UVRAG: variants seen among roughly 807,000 people sequenced by gnomAD.
The protein encoded by UVRAG is UV radiation resistance-associated gene protein.
In UVRAG, 19 loss-of-function variants were observed where a neutral mutation model predicts 78.0. The ratio of observed to expected loss-of-function variants is 0.24; its 90% CI spans 0.17 to 0.36. The LOEUF (loss-of-function observed/expected upper bound fraction) is 0.36, where lower values mean the gene tolerates loss of function less well. Among genes scored for constraint, UVRAG ranks in the 10% least tolerant of loss-of-function variants. The pLI is 1.00. For missense variants in UVRAG, 740 were observed against 853.8 expected (o/e 0.87, Z 1.66); for synonymous variants, 323 against 324.6 (o/e 1.00, Z 0.05).
chr11:76,118,000 T>C (rs754439119), intron 14 of UVRAG, among the ~76,000 whole-genome samples: 1 of 152,252 alleles, frequency 6.6e-6, no homozygotes, highest in Non-Finnish European at 1.5e-5. Flanking sequence ...TCAAAACTCT[T>C]GGCTTTTCTT....
At chr11:76,012,706 G>A (rs910444184) in intron 11 of UVRAG, among the ~76,000 whole-genome samples, 2 of 151,806 alleles carry the variant, frequency 1.3e-5, no homozygotes, top group African/African-American at 4.8e-5. Flanking sequence ...AGTATGCCAA[G>A]GAGACCTGGA....
At chr11:76,029,102 A>G (rs570396535) in intron 12 of UVRAG, among the ~76,000 whole-genome samples, 1 of 152,298 alleles carries the variant, frequency 6.6e-6, no homozygotes, top group Admixed American at 6.5e-5. Flanking sequence ...GAATGATGCT[A>G]ACTATACTCT....
At chr11:76,090,064 A>C (rs1442056815) in intron 13 of UVRAG, among the ~76,000 whole-genome samples, 1 of 152,118 alleles carries the variant, frequency 6.6e-6, no homozygotes, top group Non-Finnish European at 1.5e-5. Flanking sequence ...GCCCTTTAGA[A>C]AGACTTCCTG....
At chr11:75,841,747 A>G (rs908349240) in intron 1 of UVRAG, among the ~76,000 whole-genome samples, 4 of 152,200 alleles carry the variant, frequency 2.6e-5, no homozygotes, top group Non-Finnish European at 5.9e-5. Context: ...GACCAGTTTT[A>G]TGTTTTCCCC....
At chr11:75,972,192 T>A (rs1949136493) in intron 7 of UVRAG, among the ~76,000 whole-genome samples, 2 of 152,128 alleles carry the variant, frequency 1.3e-5, no homozygotes, top group South Asian at 4.1e-4. Context: ...TTGTCTTTAC[T>A]CTTAACACAG....
rs550652548 is a variant in UVRAG at position 75,993,882 on chromosome 11, C to T, written c.827-10123C>T. 2.0e-5 allele frequency among the ~76,000 whole-genome samples: 3 copies of T among 152,030 alleles called. No individual in the cohort carries two copies. In the East Asian group the frequency reaches 5.8e-4, roughly 29 times the overall value. ...TGGTGGAAGGTGAAGCCAGTACAGG[C>T]GTATCACATGGTGAAAGTGGAAGTG... On this transcript the variant is annotated intron_variant, in intron 8 of 14. Transcript: ENST00000356136.
chr11:76,000,213 C>T (rs893270018), intron 8 of UVRAG, among the ~76,000 whole-genome samples: 1 of 152,136 alleles, frequency 6.6e-6, no homozygotes, highest in East Asian at 1.9e-4. Context: ...TCTGAATATT[C>T]TAGTTACAAA....
intron 6 of UVRAG, among the ~76,000 whole-genome samples, chr11:75,938,437 C>G (rs1201728092): frequency 6.6e-6 from 1 of 151,994 alleles, no homozygotes; most frequent in African/African-American, 2.4e-5. Flanking sequence ...TCAATTTTAC[C>G]TTATTGTTTG....
At chr11:76,044,469 C>T (rs529334957) in intron 12 of UVRAG, among the ~76,000 whole-genome samples, 4 of 152,246 alleles carry the variant, frequency 2.6e-5, no homozygotes, top group African/African-American at 7.2e-5. Flanking sequence ...TAACAGTATA[C>T]GGATTAAAAT....
chr11:75,892,740 T>G (rs1382403075), intron 5 of UVRAG, among the ~76,000 whole-genome samples: 1 of 152,168 alleles, frequency 6.6e-6, no homozygotes, highest in Non-Finnish European at 1.5e-5. Context: ...ACACCTGACA[T>G]GTAGACTGAA....
intron 6 of UVRAG, among the ~76,000 whole-genome samples, chr11:75,959,840 A>G (rs367761089): frequency 9.2e-5 from 14 of 152,192 alleles, no homozygotes; most frequent in African/African-American, 3.4e-4. Flanking sequence ...TTGAACACCT[A>G]GAGGTTACTG....
intron 6 of UVRAG, among the ~76,000 whole-genome samples, chr11:75,913,722 A>G (rs979074292): frequency 1.3e-5 from 2 of 152,196 alleles, no homozygotes; most frequent in African/African-American, 4.8e-5. Flanking sequence ...TTTTCTGACA[A>G]TGTTTTTGTA....
At chr11:76,089,694 A>G (rs1951659714) in intron 13 of UVRAG, among the ~76,000 whole-genome samples, 2 of 152,180 alleles carry the variant, frequency 1.3e-5, no homozygotes, top group African/African-American at 2.4e-5. Context: ...CCCAGAGGTA[A>G]CGACTTTCAA....
At chr11:76,106,755 G>A (rs899260192) in intron 13 of UVRAG, among the ~76,000 whole-genome samples, 1 of 152,136 alleles carries the variant, frequency 6.6e-6, no homozygotes, top group Non-Finnish European at 1.5e-5. Flanking sequence ...GGTCAATACA[G>A]GGTATTTTGG....
intron 6 of UVRAG, among the ~76,000 whole-genome samples, chr11:75,928,939 C>A (rs1236808802): frequency 8.3e-4 from 56 of 67,486 alleles, no homozygotes; most frequent in African/African-American, 1.5e-3. Context: ...GAGACTGTCT[C>A]AAAAAAAAAA....
At chr11:76,119,065 G>A (rs1952232303) in intron 14 of UVRAG, among the ~76,000 whole-genome samples, 1 of 152,106 alleles carries the variant, frequency 6.6e-6, no homozygotes, top group Non-Finnish European at 1.5e-5. Context: ...ACTCACTCCA[G>A]TCTGATTTTT....
chr11:75,869,611 A>G (rs1946608385), intron 3 of UVRAG, among the ~76,000 whole-genome samples: 1 of 152,246 alleles, frequency 6.6e-6, no homozygotes, highest in East Asian at 1.9e-4. Flanking sequence ...TATATGTAGT[A>G]CCAGGGAAGA....
intron 3 of UVRAG, among the ~76,000 whole-genome samples, chr11:75,876,671 T>C (rs1250498458): frequency 2.2e-5 from 3 of 138,948 alleles, no homozygotes; most frequent in African/African-American, 8.1e-5. Flanking sequence ...TTCAGTGTCC[T>C]CTCCCACCTT....
At chr11:75,962,284 C>G (rs1478775297) in intron 7 of UVRAG, among the ~76,000 whole-genome samples, 1 of 152,092 alleles carries the variant, frequency 6.6e-6, no homozygotes, top group East Asian at 1.9e-4. Context: ...CTCATTATCA[C>G]AGATAGGCAG....
Sources: gnomAD v4.1 joint callset for allele counts (sites outside exome capture counted in the v4.1 genomes callset) on GRCh38, gnomAD v4.1.1 for gene constraint, MANE v1.5 for transcripts, NCBI Gene and HGNC (gene_info 2026-07-23, HGNC 2026-07-21) for gene names.